Variants in PCNX3 observed in about 807,000 individuals in gnomAD.
PCNX3 encodes the protein pecanex-like protein 3.
PCNX3 carries 58 observed loss-of-function variants against 207.2 expected under a neutral mutation model. The observed-to-expected ratio is 0.28, with a 90% confidence interval of 0.23 to 0.35. The LOEUF (loss-of-function observed/expected upper bound fraction) is 0.35. Among genes scored for constraint, PCNX3 ranks in the 10% least tolerant of loss-of-function variants. The pLI is 1.00. For synonymous variants in PCNX3, 1,337 were observed against 1,183.5 expected (o/e 1.13, Z -2.66); for missense variants, 2,410 against 2,774.4 (o/e 0.87, Z 2.95).
chr11:65,632,981 G>A (rs1565170819), intron 27 of PCNX3, among the ~76,000 whole-genome samples: 1 of 152,056 alleles, frequency 6.6e-6, no homozygotes, highest in Non-Finnish European at 1.5e-5. Flanking sequence ...CTGGGTTCAA[G>A]CGATCCTCCC....
rs1565172977 is a variant in PCNX3, at chr11:65,635,195, C to T, written c.4954-23C>T. The T allele has an allele frequency of 6.3e-7, 1 of 1,594,656 alleles. No individual in the cohort carries two copies. Reference sequence around the variant, plus strand: ...CTCTCCAGGGCAGGGGCCACTGACCCCTGTTCCCGTCTTCTCTACCAGGAC... The same window carrying T: ...CTCTCCAGGGCAGGGGCCACTGACCTCTGTTCCCGTCTTCTCTACCAGGAC... On this transcript the variant is annotated intron_variant, in intron 30 of 34. Coordinates refer to ENST00000355703, the MANE Select transcript of PCNX3 (RefSeq NM_032223.4). The surrounding 1 kb of genome is among the most constrained non-coding windows in gnomAD (Gnocchi z 9.9).
At chr11:65,623,784 A>G in intron 12 of PCNX3, 140 bp downstream of exon 12, 1 of 1,517,684 alleles carries the variant, frequency 6.6e-7, no homozygotes, top group Non-Finnish European at 9.0e-7. Flanking sequence ...GCTCTTTTAC[A>G]AGCAAGAAAA....
At position 65,636,615 on chromosome 11, in the gene PCNX3, G is replaced by A. The variant is rs1333878160; in HGVS notation, c.5818G>A (p.Gly1940Ser). 3.2e-6 allele frequency: 5 copies of A among 1,584,490 alleles called. No homozygotes were observed. The highest frequency in any genetic ancestry group is 1.1e-5 in the South Asian group (1 of 87,482). ...EGPSGKWSLGGRKGLGGSDGE... is the reference protein window; with the variant it reads ...EGPSGKWSLGSRKGLGGSDGE... ...CCCCAGTGGAAAGTGGAGCCTGGGG[G>A]GCCGGAAGGGGCTGGGAGGATCTGA... is the stretch of plus-strand genomic sequence containing the variant. The change falls in exon 34 of 35, where the codon GGC (glycine) becomes AGC (serine). Residue 1940 changes from glycine (G) to serine (S), a missense_variant. Gly to Ser is a moderately conservative substitution (Grantham distance 56). This residue lies in a region of PCNX3 where 278 missense variants were observed against 245.1 expected (regional missense o/e 1.13). Coordinates refer to ENST00000355703, the MANE Select transcript of PCNX3 (RefSeq NM_032223.4).
intron 24 of PCNX3, 25 bp downstream of exon 24, chr11:65,628,973 A>G: frequency 2.5e-6 from 4 of 1,608,570 alleles, no homozygotes; most frequent in Non-Finnish European, 3.4e-6. Flanking sequence ...AGGCGGGAGC[A>G]TGCCCAGCAG....
chr11:65,622,307 C>T lies in PCNX3; in HGVS notation c.2298C>T (p.Leu766=), dbSNP rs1360774414. 3 of 1,597,712 alleles carry T rather than the reference C, an allele frequency of 1.9e-6. No individual in the cohort carries two copies. Among genetic ancestry groups the T allele is most frequent in the South Asian group, 1.1e-5 (1 of 88,016 alleles). The change falls in exon 11 of 35, where the codon CTC becomes CTT. Residue 766 remains leucine (L), a synonymous_variant. Coordinates refer to ENST00000355703, the MANE Select transcript of PCNX3 (RefSeq NM_032223.4). ...RAQHSYKYWL[L]PGRWTSVRYE... Reference sequence around the variant, plus strand: ...AGCATAGTTACAAGTACTGGCTTCTCCCTGGCCGCTGGACCTCTGTGCGCT... The same window carrying T: ...AGCATAGTTACAAGTACTGGCTTCTTCCTGGCCGCTGGACCTCTGTGCGCT...
intron 6 of PCNX3, 133 bp from the exon 7 acceptor site, chr11:65,619,404 C>G: frequency 6.9e-7 from 1 of 1,449,458 alleles, no homozygotes; most frequent in Non-Finnish European, 9.1e-7. Flanking sequence ...GCTGTGTGAC[C>G]TGGCTGGGCC....
rs754026404 is a variant in PCNX3 at position 65,624,971 on chromosome 11, G to A, written c.2874G>A (p.Leu958=). The change falls in exon 16 of 35, where the codon CTG becomes CTA. Residue 958 remains leucine, a synonymous_variant. Coordinates refer to ENST00000355703, the MANE Select transcript of PCNX3 (RefSeq NM_032223.4). The part of the protein sequence containing the change: ...LTAVFSLSRS[L]LAAALLYGFC... Reference sequence around the variant, plus strand: ...CAGTCTTCAGCCTCTCCCGCAGCCTGCTGGCTGCTGCCCTGCTCTACGGTT... The same window carrying A: ...CAGTCTTCAGCCTCTCCCGCAGCCTACTGGCTGCTGCCCTGCTCTACGGTT... 4.3e-6 allele frequency: 7 copies of A among 1,612,396 alleles called. No individual in the cohort carries two copies. In the Admixed American group the frequency reaches 1.0e-4, roughly 23 times the overall value.
chr11:65,635,279 C>T lies in PCNX3; in HGVS notation c.5015C>T (p.Ala1672Val), dbSNP rs1327404323. 1.3e-6 allele frequency: 2 copies of T among 1,592,034 alleles called. No homozygotes were observed. The highest frequency in any genetic ancestry group is 1.7e-6 in the Non-Finnish European group (2 of 1,169,786). Residue 1672 changes from alanine (A) to valine (V), a missense_variant, in exon 31 of 35, where the codon GCC becomes GTC. By Grantham distance (64) the Ala-to-Val change is moderately conservative (BLOSUM62 0). Around this residue, in one of 8 missense-constraint regions of PCNX3, gnomAD observed 420 missense variants for 705.3 expected, o/e 0.60. Transcript: ENST00000355703. The surrounding 1 kb of genome is among the most constrained non-coding windows in gnomAD (Gnocchi z 9.9). ...GCAGCCCTATACGATGCCATTGCGG[C>T]CAACGAGGAGCGGCTGGTCATCTCA... ...EPAALYDAIA[A>V]NEERLVISHE...
Position 65,625,762 on chromosome 11 carries a change from C to A in PCNX3, c.3228+18C>A. On this transcript the variant is annotated intron_variant, in intron 19 of 34. Coordinates refer to ENST00000355703, the MANE Select transcript of PCNX3 (RefSeq NM_032223.4). This position sits in a 1 kb window ranked among gnomAD's most constrained non-coding sequence, Gnocchi z 5.6. ...CCCTGAAGGTTTGTGTGGCATGGGC[C>A]GCTGCTGCCTCTCGCTGTCTTGGCG... 6.2e-7 allele frequency: 1 copy of A among 1,604,472 alleles called. No homozygotes were observed. The highest frequency in any genetic ancestry group is 8.5e-7 in the Non-Finnish European group (1 of 1,177,420).
chr11:65,636,833 C>T lies in PCNX3; in HGVS notation c.5960C>T (p.Pro1987Leu), dbSNP rs1026272911. 1.1e-5 allele frequency: 17 copies of T among 1,551,144 alleles called. No homozygotes were observed. The African/African-American group carries it at 2.3e-4, about 21-fold the overall frequency. The change falls in exon 35 of 35, where the codon CCC becomes CTC. Residue 1987 changes from proline to leucine, a missense_variant. Physicochemically the swap from Pro to Leu is moderately conservative, Grantham distance 98. Around this residue, in one of 8 missense-constraint regions of PCNX3, gnomAD observed 278 missense variants for 245.1 expected, o/e 1.13. Transcript: ENST00000355703. ...LSPDVSTEAS[P>L]PRASQDIPCL... Reference sequence around the variant, plus strand: ...CCCGATGTCAGCACTGAGGCCTCACCCCCCAGAGCTTCCCAGGACATTCCT... The same window carrying T: ...CCCGATGTCAGCACTGAGGCCTCACTCCCCAGAGCTTCCCAGGACATTCCT...
Position 65,617,992 on chromosome 11 carries a change from C to G in PCNX3, c.630C>G (p.Ala210=), listed in dbSNP as rs61741598. Residue 210 remains alanine (A), a synonymous_variant, in exon 6 of 35, where the codon GCC becomes GCG. Coordinates refer to ENST00000355703, the MANE Select transcript of PCNX3 (RefSeq NM_032223.4). ...PPGAVPDPSL[A]STDSSEPSPL... ...GGGCTGTCCCAGACCCCTCTCTTGC[C>G]AGTACAGACTCTTCAGAGCCTTCTC... 915 of 1,611,444 alleles carry G rather than the reference C, an allele frequency of 5.7e-4. 6 individuals are homozygous for G. In the African/African-American group the frequency reaches 0.011, roughly 19 times the overall value.
Sources: allele counts gnomAD v4.1 joint callset (sites outside exome capture counted in the v4.1 genomes callset), GRCh38; gene constraint gnomAD v4.1.1; regional missense constraint gnomAD v4.1.1; non-coding constraint Gnocchi (gnomAD v3.1); transcripts MANE v1.5; gene names NCBI Gene and HGNC (gene_info 2026-07-23, HGNC 2026-07-21).